The following RBMS2 variants were observed in gnomAD, a reference collection of about 807,000 sequenced individuals.
RBMS2 encodes RNA-binding motif, single-stranded-interacting protein 2.
RBMS2 carries 38 observed loss-of-function variants against 58.4 expected under a neutral mutation model. The ratio of observed to expected loss-of-function variants is 0.65; its 90% CI spans 0.50 to 0.85. RBMS2 has a LOEUF of 0.85. Among genes scored for constraint, RBMS2 ranks in the 40% least tolerant of loss-of-function variants. The pLI is 0.00. For synonymous variants in RBMS2, 151 were observed against 180.7 expected (o/e 0.84, Z 1.32); for missense variants, 367 against 503.7 (o/e 0.73, Z 2.60).
Position 56,522,046 on chromosome 12 carries a change from G to A in RBMS2, c.23G>A (p.Arg8Lys). Reference sequence around the variant, plus strand: ...AAAATGCTGCTATCCGTGACTTCCAGGCCCGGGATTTCGACTTTTGGCTAC... The same window carrying A: ...AAAATGCTGCTATCCGTGACTTCCAAGCCCGGGATTTCGACTTTTGGCTAC... MLLSVTS[R>K]PGISTFGYNR... is the part of the protein sequence containing the mutation. Residue 8 changes from arginine to lysine, a missense_variant, in exon 1 of 14, where the codon AGG (arginine) becomes AAG (lysine). This residue lies in a region of RBMS2 where 93 missense variants were observed against 132.2 expected (regional missense o/e 0.70). Coordinates refer to ENST00000262031, the MANE Select transcript of RBMS2 (RefSeq NM_002898.4). The A allele has an allele frequency of 6.3e-7, 1 of 1,583,900 alleles. No homozygotes were observed. The highest frequency in any genetic ancestry group is 1.1e-5 in the South Asian group (1 of 90,298).
chr12:56,585,383 C>A (rs1437592754), intron 9 of RBMS2, among the ~76,000 whole-genome samples: 1 of 152,170 alleles, frequency 6.6e-6, no homozygotes, highest in Non-Finnish European at 1.5e-5. Flanking sequence ...AATGTCCTTG[C>A]AACCCATTAT....
intron 1 of RBMS2, among the ~76,000 whole-genome samples, chr12:56,538,877 C>T (rs1448893644): frequency 6.6e-6 from 1 of 152,156 alleles, no homozygotes; most frequent in African/African-American, 2.4e-5. Flanking sequence ...ATGTTTTTGG[C>T]TTTCACTGTA....
intron 1 of RBMS2, among the ~76,000 whole-genome samples, chr12:56,531,959 G>A (rs543948040): frequency 1.3e-5 from 2 of 151,920 alleles, no homozygotes; most frequent in Admixed American, 6.6e-5. Context: ...GTGGCTCAAC[G>A]CTTGTAATTC....
At chr12:56,521,280 A>G (rs1333313307), upstream of RBMS2, among the ~76,000 whole-genome samples, 1 of 151,958 alleles carries the variant, frequency 6.6e-6, no homozygotes, top group Non-Finnish European at 1.5e-5. Context: ...AAATACAAAA[A>G]TCAGCTGGGT....
intron 2 of RBMS2, among the ~76,000 whole-genome samples, chr12:56,567,829 G>A (rs939241952): frequency 2.7e-5 from 4 of 150,630 alleles, no homozygotes; most frequent in Admixed American, 6.7e-5. Flanking sequence ...AGACCCTGAT[G>A]CACACACACA....
intron 1 of RBMS2, among the ~76,000 whole-genome samples, chr12:56,556,577 C>T (rs1253277171): frequency 2.6e-5 from 4 of 151,884 alleles, no homozygotes; most frequent in Admixed American, 1.3e-4. Flanking sequence ...GGTTTCACAA[C>T]GTTGGCCAGA....
intron 5 of RBMS2, among the ~76,000 whole-genome samples, chr12:56,575,033 A>G (rs1882903381): frequency 6.6e-6 from 1 of 152,056 alleles, no homozygotes; most frequent in Non-Finnish European, 1.5e-5. Context: ...CTGTAGTCCC[A>G]GCTTACTCGG....
chr12:56,569,874 A>G (rs377569496), intron 3 of RBMS2, 25 bp from the exon 4 acceptor site: 20 of 1,576,630 alleles, frequency 1.3e-5, no homozygotes, highest in Non-Finnish European at 1.7e-5. Flanking sequence ...CCCACTTCCT[A>G]GTGATGCTGT....
At chr12:56,578,664 A>G (rs1043839993) in intron 5 of RBMS2, among the ~76,000 whole-genome samples, 1 of 152,058 alleles carries the variant, frequency 6.6e-6, no homozygotes, top group African/African-American at 2.4e-5. Flanking sequence ...TTAAAACAGG[A>G]ATTTTAAAAA....
In RBMS2 at chr12:56,530,462, G is replaced by C. The variant is rs553499643; in HGVS notation, c.66+8373G>C. On this transcript the variant is annotated intron_variant, in intron 1 of 13. Coordinates refer to ENST00000262031, the MANE Select transcript of RBMS2 (RefSeq NM_002898.4). ...TGTAGCCTCAACCTCCTGGGCTCAA[G>C]CGATTCTCCTACCTTGGCCTCCCGA... 4.8e-5 allele frequency among the ~76,000 whole-genome samples: 7 copies of C among 144,782 alleles called. No individual in the cohort carries two copies. In the East Asian group the frequency reaches 1.5e-3, roughly 31 times the overall value. The allele number at this position is 144,782 out of a possible 152,430, so 95.0% of individuals were successfully genotyped here. A position where few individuals can be genotyped will look rare whatever the true frequency, so the allele number is the denominator to read the frequency against.
Position 56,596,001 on chromosome 12 carries a change from C to CT in RBMS2, c.*6868_*6869insT, listed in dbSNP as rs1885770814. On this transcript the variant is annotated 3_prime_UTR_variant, in exon 14 of 14. Transcript: ENST00000262031. Reference sequence around the variant, plus strand: ...TTCTACAGCTGCACTTGTGGAACATCACATGGCAAAAACAGGAGTTTTTTC... The same window carrying CT: ...TTCTACAGCTGCACTTGTGGAACATCTACATGGCAAAAACAGGAGTTTTTTC... 1.3e-5 allele frequency: 2 copies of CT among 152,686 alleles called. No homozygotes were observed. The highest frequency in any genetic ancestry group is 1.3e-4 in the Admixed American group (2 of 15,286). The allele number at this position is 152,686 out of a possible 1,614,324, so 9.5% of individuals were successfully genotyped here.
At chr12:56,544,805 G>C (rs1417402346) in intron 1 of RBMS2, among the ~76,000 whole-genome samples, 3 of 121,320 alleles carry the variant, frequency 2.5e-5, no homozygotes, top group African/African-American at 9.1e-5. Flanking sequence ...TGTTGCCCAA[G>C]CTGGTCTTGA....
chr12:56,547,429 G>A (rs1341645052), intron 1 of RBMS2, among the ~76,000 whole-genome samples: 1 of 152,076 alleles, frequency 6.6e-6, no homozygotes, highest in African/African-American at 2.4e-5. Context: ...CAGCACTTTG[G>A]GAGGCCAAAG....
At chr12:56,544,885 C>T (rs1027886985) in intron 1 of RBMS2, among the ~76,000 whole-genome samples, 2 of 151,830 alleles carry the variant, frequency 1.3e-5, no homozygotes, top group African/African-American at 2.4e-5. Flanking sequence ...TGAGGCACCA[C>T]ACCTGGCCCT....
chr12:56,580,424 G>T, intron 5 of RBMS2: 1 of 299,784 alleles, frequency 3.3e-6, no homozygotes, highest in Non-Finnish European at 6.6e-6. Context: ...GTAGAGATGG[G>T]GTTTCTCCAT....
At chr12:56,580,971 C>G (rs959963596) in intron 5 of RBMS2, among the ~76,000 whole-genome samples, 7 of 152,140 alleles carry the variant, frequency 4.6e-5, no homozygotes, top group African/African-American at 1.7e-4. Flanking sequence ...CTATGAGGAT[C>G]CCATACAGGG....
chr12:56,542,807 C>T (rs1249851748), intron 1 of RBMS2, among the ~76,000 whole-genome samples: 5 of 151,748 alleles, frequency 3.3e-5, no homozygotes, highest in Non-Finnish European at 5.9e-5. Context: ...ATCTCTGTCT[C>T]CCGAAGTGTT....
At chr12:56,565,065 T>C (rs1357854889) in intron 2 of RBMS2, among the ~76,000 whole-genome samples, 2 of 152,182 alleles carry the variant, frequency 1.3e-5, no homozygotes, top group African/African-American at 4.8e-5. Flanking sequence ...ATATAACCTA[T>C]GCACATGCTC....
chr12:56,581,164 AC>A lies in RBMS2; in HGVS notation c.543-16del. 6.4e-7 allele frequency: 1 copy of A among 1,560,320 alleles called. No individual in the cohort carries two copies. Among genetic ancestry groups the A allele is most frequent in the East Asian group, 2.2e-5 (1 of 44,612 alleles). On this transcript the variant is annotated intron_variant, in intron 5 of 13. Coordinates refer to ENST00000262031, the MANE Select transcript of RBMS2 (RefSeq NM_002898.4). Reference sequence around the variant, plus strand: ...CAGATCCTGGAGAAGCTAGAGCCTAACCCCTCTTATGCTCCTTAGGATGGAG... The same window carrying A: ...CAGATCCTGGAGAAGCTAGAGCCTAACCCTCTTATGCTCCTTAGGATGGAG...
Sources: allele counts gnomAD v4.1 joint callset (sites outside exome capture counted in the v4.1 genomes callset), GRCh38; gene constraint gnomAD v4.1.1; regional missense constraint gnomAD v4.1.1; transcripts MANE v1.5; gene names NCBI Gene and HGNC (gene_info 2026-07-23, HGNC 2026-07-21).